KCNJ6: variants seen among roughly 807,000 people sequenced by gnomAD.
KCNJ6 encodes the protein G protein-activated inward rectifier potassium channel 2.
KCNJ6 carries 9 observed loss-of-function variants against 34.2 expected under a neutral mutation model. That is an observed-to-expected ratio of 0.26 (90% confidence interval 0.16 to 0.46). The LOEUF (loss-of-function observed/expected upper bound fraction) is 0.46. KCNJ6 is among the 20% of genes least tolerant of loss of function. KCNJ6 has a pLI of 1.00. For missense variants in KCNJ6, 236 were observed against 531.3 expected (o/e 0.44, Z 5.46); for synonymous variants, 196 against 207.1 (o/e 0.95, Z 0.46).
At chr21:37,668,684 T>C (rs941243830) in intron 3 of KCNJ6, among the ~76,000 whole-genome samples, 4 of 152,336 alleles carry the variant, frequency 2.6e-5, no homozygotes, top group African/African-American at 4.8e-5. Flanking sequence ...CCGTGCTGGT[T>C]GGAGGAAGCT....
At position 37,610,169 on chromosome 21, in the gene KCNJ6, G is replaced by C. The variant is rs2123346741; in HGVS notation, c.*14990C>G. 1 of 152,288 alleles carries C rather than the reference G, an allele frequency of 6.6e-6. No homozygotes were observed. The highest frequency in any genetic ancestry group is 2.1e-4 in the South Asian group (1 of 4,816). 9.4% of individuals were successfully genotyped at this position (152,288 alleles called of 1,614,324 possible). A position where few individuals can be genotyped will look rare whatever the true frequency, so the allele number is the denominator to read the frequency against. On this transcript the variant is annotated 3_prime_UTR_variant, in exon 4 of 4. Coordinates refer to ENST00000609713, the MANE Select transcript of KCNJ6 (RefSeq NM_002240.5). ...TGGGGTCATTTAGTGTAGAGGTACA[G>C]TCTAGAACTGATGGTGGTGTAGGTT... is the stretch of plus-strand genomic sequence containing the variant.
chr21:37,878,390 C>T (rs1236463144), intron 1 of KCNJ6, among the ~76,000 whole-genome samples: 1 of 152,154 alleles, frequency 6.6e-6, no homozygotes, highest in Non-Finnish European at 1.5e-5. Flanking sequence ...AATAGCTTTG[C>T]AGAATTGCAA....
intron 1 of KCNJ6, among the ~76,000 whole-genome samples, chr21:37,851,632 G>A (rs941662984): frequency 6.6e-6 from 1 of 152,172 alleles, no homozygotes; most frequent in Non-Finnish European, 1.5e-5. Flanking sequence ...CTCTGAGAAG[G>A]AAAATGAGGA....
At chr21:37,664,535 AATATC>A (rs1192331587) in intron 3 of KCNJ6, among the ~76,000 whole-genome samples, 1 of 152,132 alleles carries the variant, frequency 6.6e-6, no homozygotes, top group African/African-American at 2.4e-5. Context: ...TATTTTAAGA[AATATC>A]ATGAATTCAT....
chr21:37,844,663 G>A (rs986728771), intron 1 of KCNJ6, among the ~76,000 whole-genome samples: 5 of 152,070 alleles, frequency 3.3e-5, no homozygotes, highest in Non-Finnish European at 7.3e-5. Flanking sequence ...GCCTTGGCAA[G>A]CACTATTCCC....
At chr21:37,839,245 G>A (rs12233331) in intron 2 of KCNJ6, among the ~76,000 whole-genome samples, 39,598 of 152,066 alleles carry the variant, frequency 0.26, 6,368 homozygotes, top group South Asian at 0.39. Context: ...AAAAAAGGAC[G>A]GAGCAGAGAG....
At chr21:37,688,690 G>A (rs2054626306) in intron 3 of KCNJ6, among the ~76,000 whole-genome samples, 1 of 152,192 alleles carries the variant, frequency 6.6e-6, no homozygotes. Context: ...CCAAGGGGTG[G>A]GGGAGAGGGG....
At chr21:37,705,560 C>G (rs1330981692) in intron 3 of KCNJ6, among the ~76,000 whole-genome samples, 1 of 152,160 alleles carries the variant, frequency 6.6e-6, no homozygotes, top group Non-Finnish European at 1.5e-5. Context: ...ACGCACCAGG[C>G]TCCACAGTGA....
intron 1 of KCNJ6, among the ~76,000 whole-genome samples, chr21:37,893,749 CT>C (rs1431981614): frequency 6.7e-6 from 1 of 149,450 alleles, no homozygotes; most frequent in African/African-American, 2.5e-5. Flanking sequence ...GCTGACATTT[CT>C]TTGATCCTTC....
intron 2 of KCNJ6, among the ~76,000 whole-genome samples, chr21:37,838,804 A>G (rs1337809216): frequency 6.6e-6 from 1 of 152,170 alleles, no homozygotes; most frequent in African/African-American, 2.4e-5. Flanking sequence ...CTCATATTGA[A>G]TTGTAACCCC....
intron 2 of KCNJ6, among the ~76,000 whole-genome samples, chr21:37,839,105 T>C (rs2055466242): frequency 6.6e-6 from 1 of 152,228 alleles, no homozygotes; most frequent in African/African-American, 2.4e-5. Context: ...ACCTCTTTTC[T>C]TTATCAATTA....
chr21:37,714,301 G>C lies in KCNJ6; in HGVS notation c.856C>G (p.Gln286Glu). ...TTGGAGATCTCCCAGAAAGGACTCT[G>C]TTGGTTAATTTCATGGCTAATGATC... Reference protein sequence around the residue: ...PLIISHEINQQSPFWEISKAQ... With the variant: ...PLIISHEINQESPFWEISKAQ... The change falls in exon 3 of 4, where the codon CAG becomes GAG. Residue 286 changes from glutamine (Q) to glutamate (E), a missense_variant. By Grantham distance (29) the Gln-to-Glu change is conservative. Around this residue, in one of 5 missense-constraint regions of KCNJ6, gnomAD observed 60 missense variants for 207.3 expected, o/e 0.29. Transcript: ENST00000609713. This position sits in a 1 kb window ranked among gnomAD's most constrained non-coding sequence, Gnocchi z 5.9. 6.2e-7 allele frequency: 1 copy of C among 1,614,094 alleles called. No individual in the cohort carries two copies. Among genetic ancestry groups the C allele is most frequent in the Non-Finnish European group, 8.5e-7 (1 of 1,179,974 alleles).
intron 2 of KCNJ6, among the ~76,000 whole-genome samples, chr21:37,829,650 G>C (rs1238981881): frequency 6.6e-6 from 1 of 152,224 alleles, no homozygotes; most frequent in Non-Finnish European, 1.5e-5. Flanking sequence ...GTAATGCAGT[G>C]ACTCATGTTG....
intron 2 of KCNJ6, among the ~76,000 whole-genome samples, chr21:37,800,176 C>T (rs2055262424): frequency 6.6e-6 from 1 of 152,118 alleles, no homozygotes; most frequent in African/African-American, 2.4e-5. Context: ...GCCCTATTTC[C>T]CTGGAATGGA....
chr21:37,853,001 TA>T (rs1398695112), intron 1 of KCNJ6, among the ~76,000 whole-genome samples: 2 of 151,592 alleles, frequency 1.3e-5, no homozygotes, highest in East Asian at 1.9e-4. Flanking sequence ...AAAATAGACT[TA>T]AAAAAATGAA....
intron 3 of KCNJ6, among the ~76,000 whole-genome samples, chr21:37,686,791 A>G (rs555678153): frequency 4.6e-5 from 7 of 152,120 alleles, no homozygotes; most frequent in African/African-American, 1.4e-4. Flanking sequence ...TAATCGGGAC[A>G]CGGGTGGAGA....
intron 3 of KCNJ6, among the ~76,000 whole-genome samples, chr21:37,688,163 A>C (rs1232074050): frequency 6.6e-6 from 1 of 152,200 alleles, no homozygotes. Flanking sequence ...ATTTTAGAGC[A>C]AAACTGTTCT....
chr21:37,827,610 G>A (rs2055405197), intron 2 of KCNJ6, among the ~76,000 whole-genome samples: 1 of 152,046 alleles, frequency 6.6e-6, no homozygotes, highest in East Asian at 1.9e-4. Flanking sequence ...ATTATAATGG[G>A]CTTGAGTTGA....
intron 1 of KCNJ6, among the ~76,000 whole-genome samples, chr21:37,846,784 C>T (rs2055510897): frequency 6.6e-6 from 1 of 152,044 alleles, no homozygotes; most frequent in Admixed American, 6.6e-5. Context: ...ACTTAGTATC[C>T]TCAACAGGGC....
Sources: gnomAD v4.1 joint callset for allele counts (sites outside exome capture counted in the v4.1 genomes callset) on GRCh38, gnomAD v4.1.1 for gene constraint, gnomAD v4.1.1 regional missense constraint, Gnocchi (gnomAD v3.1) non-coding constraint, MANE v1.5 for transcripts, NCBI Gene and HGNC (gene_info 2026-07-23, HGNC 2026-07-21) for gene names.